PTPRD: variants seen among roughly 807,000 people sequenced by gnomAD.
PTPRD encodes the protein protein tyrosine phosphatase receptor type D, also known as receptor-type tyrosine-protein phosphatase delta.
In PTPRD, 34 loss-of-function variants were observed where a neutral mutation model predicts 214.5. That is an observed-to-expected ratio of 0.16 (90% confidence interval 0.12 to 0.21). The LOEUF is 0.21. Ranked by LOEUF, PTPRD falls within the 10% of genes least tolerant of loss-of-function variation. PTPRD has a pLI of 1.00. For synonymous variants in PTPRD, 1,128 were observed against 845.7 expected, an observed-to-expected ratio of 1.33 and a Z score of -5.79; for missense variants, 2,545 against 2,398.7, an observed-to-expected ratio of 1.06 and a Z score of -1.27.
intron 3 of PTPRD, among the ~76,000 whole-genome samples, chr9:10,306,581 C>G (rs79018660): frequency 0.04 from 6,043 of 151,948 alleles, 428 homozygotes; most frequent in African/African-American, 0.14. Context: ...CCTAATCAAT[C>G]GAGTTTAAGT....
chr9:10,006,605 C>T (rs1254587659), intron 4 of PTPRD, among the ~76,000 whole-genome samples: 1 of 151,870 alleles, frequency 6.6e-6, no homozygotes, highest in Admixed American at 6.6e-5. Flanking sequence ...ATTGTTTCTT[C>T]AAATAACTGA....
chr9:10,113,716 T>C (rs2098709255), intron 3 of PTPRD, among the ~76,000 whole-genome samples: 1 of 152,150 alleles, frequency 6.6e-6, no homozygotes, highest in Non-Finnish European at 1.5e-5. Context: ...TATAAAAAAA[T>C]CTTTAAGACA....
intron 2 of PTPRD, among the ~76,000 whole-genome samples, chr9:10,496,825 T>G (rs2042191573): frequency 1.3e-5 from 2 of 152,090 alleles, no homozygotes; most frequent in African/African-American, 4.8e-5. Context: ...CTTGTTGAAC[T>G]GCTTAAGTTC....
chr9:9,953,211 T>C (rs1310054539), intron 4 of PTPRD, among the ~76,000 whole-genome samples: 1 of 152,146 alleles, frequency 6.6e-6, no homozygotes, highest in Non-Finnish European at 1.5e-5. Context: ...CCTGGATATT[T>C]CTGCAGCAGT....
chr9:9,729,795 G>C (rs1264833214), intron 7 of PTPRD, among the ~76,000 whole-genome samples: 1 of 151,940 alleles, frequency 6.6e-6, no homozygotes, highest in African/African-American at 2.4e-5. Flanking sequence ...GTAAATTCAT[G>C]AGAGTATGAT....
chr9:9,516,461 A>G (rs1289178547), intron 8 of PTPRD, among the ~76,000 whole-genome samples: 1 of 151,626 alleles, frequency 6.6e-6, no homozygotes, highest in Non-Finnish European at 1.5e-5. Context: ...TTCATGAGGA[A>G]TATCATTTAT....
chr9:8,472,705 TAAATA>T (rs140641258), intron 30 of PTPRD, among the ~76,000 whole-genome samples: 8,727 of 152,272 alleles, frequency 0.057, 778 homozygotes, highest in African/African-American at 0.19. Context: ...TGTATTAGGT[TAAATA>T]AAATAAATTA....
chr9:8,528,055 A>C (rs1050229944), intron 15 of PTPRD: 7 of 182,930 alleles, frequency 3.8e-5, no homozygotes, highest in African/African-American at 1.4e-4. Flanking sequence ...ATTAGTGAAA[A>C]GAAAGCAGAT....
chr9:10,401,868 C>G (rs552811114), intron 2 of PTPRD, among the ~76,000 whole-genome samples: 54 of 151,088 alleles, frequency 3.6e-4, no homozygotes, highest in African/African-American at 1.3e-3. Flanking sequence ...AAGTTTGAAT[C>G]AAACCCTCAC....
At chr9:8,762,974 A>G (rs1002680185) in intron 11 of PTPRD, among the ~76,000 whole-genome samples, 1 of 152,160 alleles carries the variant, frequency 6.6e-6, no homozygotes, top group Non-Finnish European at 1.5e-5. Context: ...TGCCCAGGCC[A>G]TTCTTCAGGC....
chr9:9,960,306 A>G (rs1220869786), intron 4 of PTPRD, among the ~76,000 whole-genome samples: 1 of 152,096 alleles, frequency 6.6e-6, no homozygotes, highest in Non-Finnish European at 1.5e-5. Flanking sequence ...CAGCTTGAAT[A>G]ACAAAATAAA....
chr9:8,491,448 T>C (rs1277815709), intron 27 of PTPRD, among the ~76,000 whole-genome samples: 2 of 152,072 alleles, frequency 1.3e-5, no homozygotes, highest in Non-Finnish European at 2.9e-5. Context: ...AGGGGAGTGG[T>C]GCTTCATATA....
chr9:9,477,617 A>G (rs555452789), intron 8 of PTPRD, among the ~76,000 whole-genome samples: 12 of 152,202 alleles, frequency 7.9e-5, no homozygotes, highest in Admixed American at 2.6e-4. Context: ...CAAAACAAGT[A>G]TGACAATGAT....
chr9:9,574,600 T>G (rs1043950348), intron 8 of PTPRD, 132 bp downstream of exon 8: 3 of 151,996 alleles, frequency 2.0e-5, no homozygotes, highest in Non-Finnish European at 2.9e-5. Context: ...AAATATCACA[T>G]AATTTCTTCA....
chr9:8,319,903 A>G lies in PTPRD; in HGVS notation c.5598T>C (p.Tyr1866=), dbSNP rs767295156. The G allele has an allele frequency of 3.1e-6, 5 of 1,613,008 alleles. No homozygotes were observed. In the Admixed American group the frequency reaches 5.0e-5, roughly 16 times the overall value. Reference sequence around the variant, plus strand: ...TCTGGAAGATATCTACAACTCCTTCATATCTCATTCTTTCCAAAACAATGC... The same window carrying G: ...TCTGGAAGATATCTACAACTCCTTCGTATCTCATTCTTTCCAAAACAATGC... ...TLSIVLERMR[Y]EGVVDIFQTV... is the part of the protein sequence containing the mutation. The change falls in exon 45 of 46, where the codon TAT becomes TAC. Residue 1866 remains tyrosine, a synonymous_variant. Transcript: ENST00000381196.
Position 9,229,974 on chromosome 9 carries a change from A to G in PTPRD, c.-202-46611T>C, listed in dbSNP as rs909623700. On this transcript the variant is annotated intron_variant, in intron 9 of 45. Coordinates refer to ENST00000381196, the MANE Select transcript of PTPRD (RefSeq NM_002839.4). ...TTGTTGAGATTTATTTTCATTTATT[A>G]AGATTTATCTTGTAATGAAAATCTA... Among the ~76,000 whole-genome samples the G allele has an allele frequency of 3.3e-5, 5 of 152,262 alleles. No individual in the cohort carries two copies. The East Asian group carries it at 9.7e-4, about 29-fold the overall frequency.
At chr9:9,389,234 G>T (rs981768601) in intron 9 of PTPRD, among the ~76,000 whole-genome samples, 1 of 152,162 alleles carries the variant, frequency 6.6e-6, no homozygotes, top group African/African-American at 2.4e-5. Flanking sequence ...AACGCAGCTG[G>T]GCGCAGTGGC....
At chr9:8,649,517 G>A (rs1385363828) in intron 12 of PTPRD, among the ~76,000 whole-genome samples, 1 of 152,216 alleles carries the variant, frequency 6.6e-6, no homozygotes, top group African/African-American at 2.4e-5. Flanking sequence ...AGGGAGACGT[G>A]TGTGTACACA....
At chr9:8,327,693 G>A (rs1463329627) in intron 44 of PTPRD, among the ~76,000 whole-genome samples, 3 of 152,140 alleles carry the variant, frequency 2.0e-5, no homozygotes, top group Admixed American at 2.0e-4. Context: ...AGGTCTCTAA[G>A]AACTTGCTTT....
Sources: gnomAD v4.1 joint callset for allele counts (sites outside exome capture counted in the v4.1 genomes callset) on GRCh38, gnomAD v4.1.1 for gene constraint, MANE v1.5 for transcripts, NCBI Gene and HGNC (gene_info 2026-07-23, HGNC 2026-07-21) for gene names.